The following PIBF1 variants were observed in gnomAD, a reference collection of about 807,000 sequenced individuals.
PIBF1 encodes progesterone immunomodulatory binding factor 1.
In PIBF1, 90 loss-of-function variants were observed where a neutral mutation model predicts 112.5. That is an observed-to-expected ratio of 0.80 (90% CI 0.67 to 0.95). The LOEUF (loss-of-function observed/expected upper bound fraction) is 0.95, where lower values mean the gene tolerates loss of function less well. PIBF1 is among the 40% of genes least tolerant of loss of function. PIBF1 has a pLI of 0.00. For synonymous variants in PIBF1, 301 were observed against 288.6 expected (o/e 1.04, Z -0.44); for missense variants, 915 against 852.3 (o/e 1.07, Z -0.92).
intron 8 of PIBF1, among the ~76,000 whole-genome samples, chr13:72,828,258 A>T: frequency 6.8e-6 from 1 of 147,530 alleles, no homozygotes. Context: ...ATGAAGTGAG[A>T]TATGTTTGCT....
chr13:72,917,085 A>G lies in PIBF1; in HGVS notation c.1649A>G (p.Glu550Gly). The G allele has an allele frequency of 6.3e-7, 1 of 1,579,902 alleles. No individual in the cohort carries two copies. Among genetic ancestry groups the G allele is most frequent in the South Asian group, 1.2e-5 (1 of 85,300 alleles). ...CTTTAATATTTTCCAGTTGAAAATG[A>G]AGATGAGGCTGAAAGGGTTCTTTTT... is the stretch of plus-strand genomic sequence containing the variant. Reference protein sequence around the residue: ...IIMQTAEIENEDEAERVLFSY... With the variant: ...IIMQTAEIENGDEAERVLFSY... The change falls in exon 13 of 18, where the codon GAA (glutamate) becomes GGA (glycine). Residue 550 changes from glutamate to glycine, a missense_variant. Glu to Gly is a moderately conservative substitution (Grantham distance 98). Transcript: ENST00000326291.
At chr13:72,789,825 G>C (rs1392063418) in intron 2 of PIBF1, among the ~76,000 whole-genome samples, 3 of 151,968 alleles carry the variant, frequency 2.0e-5, no homozygotes, top group African/African-American at 7.3e-5. Flanking sequence ...TCCTTTGAGT[G>C]TCATAGTGAC....
At chr13:72,966,258 A>G (rs574838855) in intron 15 of PIBF1, among the ~76,000 whole-genome samples, 1 of 152,308 alleles carries the variant, frequency 6.6e-6, no homozygotes, top group South Asian at 2.1e-4. Flanking sequence ...ATTCCAAAGT[A>G]TAAATGTTAT....
rs148244342 is a variant in PIBF1 at position 73,004,362 on chromosome 13, G to A, written c.2223+5367G>A. On this transcript the variant is annotated intron_variant, in intron 17 of 17. Transcript: ENST00000326291. The stretch of plus-strand genomic sequence containing the variant: ...AAAAATTAGCCAGGTGTGGTGGCAG[G>A]CACCCGTAATCCCAGCTACTCAGGA... Among the ~76,000 whole-genome samples the A allele has an allele frequency of 4.2e-3, 645 of 151,942 alleles. 9 individuals are homozygous for A. The highest frequency in any genetic ancestry group is 0.014 in the African/African-American group (599 of 41,466).
intron 10 of PIBF1, among the ~76,000 whole-genome samples, chr13:72,887,134 C>A (rs1246132706): frequency 2.0e-5 from 3 of 149,030 alleles, no homozygotes; most frequent in Non-Finnish European, 4.5e-5. Flanking sequence ...TAATTTTCAT[C>A]AAAAATAATT....
chr13:72,923,308 A>G (rs1284037586), intron 13 of PIBF1, among the ~76,000 whole-genome samples: 1 of 152,214 alleles, frequency 6.6e-6, no homozygotes, highest in African/African-American at 2.4e-5. Context: ...ACTGCCATGG[A>G]CAGAGCCAAA....
chr13:72,993,737 C>T (rs1161326412), intron 16 of PIBF1, among the ~76,000 whole-genome samples: 9 of 129,006 alleles, frequency 7.0e-5, no homozygotes, highest in African/African-American at 2.6e-4. Context: ...CAGAGCGAGA[C>T]TCCATTTCAA....
chr13:72,871,539 T>C (rs879832608), intron 10 of PIBF1, among the ~76,000 whole-genome samples: 1 of 152,044 alleles, frequency 6.6e-6, no homozygotes, highest in Non-Finnish European at 1.5e-5. Flanking sequence ...CTCCTGACCT[T>C]GTGATCCACC....
rs181551255 is a variant in PIBF1 at position 72,787,349 on chromosome 13, T to C, written c.252+3628T>C. On this transcript the variant is annotated intron_variant, in intron 2 of 17. Transcript: ENST00000326291. ...ATGAACAAAGTGCTACACTGTTTCT[T>C]GTGAGCAGTGATTCTAAAGCTAGTA... 9.3e-4 allele frequency among the ~76,000 whole-genome samples: 141 copies of C among 152,324 alleles called. 1 individual carries two copies. The highest frequency in any genetic ancestry group is 3.1e-3 in the African/African-American group (129 of 41,574).
At chr13:72,987,062 A>C (rs2043314216) in intron 16 of PIBF1, among the ~76,000 whole-genome samples, 1 of 152,186 alleles carries the variant, frequency 6.6e-6, no homozygotes, top group Admixed American at 6.5e-5. Flanking sequence ...TTCTTTCTTT[A>C]TTCTGTTCTA....
chr13:72,998,685 A>C (rs980384676), intron 16 of PIBF1, 137 bp from the exon 17 acceptor site: 2 of 598,706 alleles, frequency 3.3e-6, no homozygotes, highest in Non-Finnish European at 5.9e-6. Context: ...GCATGATTCT[A>C]ATTACTATTT....
At position 72,998,964 on chromosome 13, in the gene PIBF1, A is replaced by T. The variant is rs1594345958; in HGVS notation, c.2192A>T (p.Asp731Val). 11 of 1,608,702 alleles carry T rather than the reference A, an allele frequency of 6.8e-6. No individual in the cohort carries two copies. Among genetic ancestry groups the T allele is most frequent in the Non-Finnish European group, 8.5e-6 (10 of 1,176,646 alleles). The change falls in exon 17 of 18, where the codon GAC (aspartate) becomes GTC (valine). Residue 731 changes from aspartate to valine, a missense_variant. Physicochemically the swap from Asp to Val is radical, Grantham distance 152. Coordinates refer to ENST00000326291, the MANE Select transcript of PIBF1 (RefSeq NM_006346.4). The part of the protein sequence containing the change: ...KTLNVPKEHE[D>V]NIFTPKPTLF... Reference sequence around the variant, plus strand: ...TTGAATGTGCCTAAAGAGCATGAAGACAATATATTTACACCTAAACCAACA... The same window carrying T: ...TTGAATGTGCCTAAAGAGCATGAAGTCAATATATTTACACCTAAACCAACA...
At chr13:72,845,686 A>G (rs1297325307) in intron 9 of PIBF1, among the ~76,000 whole-genome samples, 2 of 152,154 alleles carry the variant, frequency 1.3e-5, no homozygotes, top group African/African-American at 4.8e-5. Flanking sequence ...TTGGCTTTTA[A>G]TAATTGCCAT....
At chr13:72,947,710 A>C (rs1232821304) in intron 14 of PIBF1, among the ~76,000 whole-genome samples, 1 of 152,152 alleles carries the variant, frequency 6.6e-6, no homozygotes, top group Admixed American at 6.5e-5. Context: ...CAGAAATACC[A>C]TTTGACCCAG....
intron 17 of PIBF1, among the ~76,000 whole-genome samples, chr13:73,002,633 A>G (rs575211165): frequency 6.6e-6 from 1 of 152,290 alleles, no homozygotes; most frequent in South Asian, 2.1e-4. Context: ...CTTATTAAAA[A>G]TGCAGATACT....
At chr13:73,000,856 A>T (rs919547637) in intron 17 of PIBF1, among the ~76,000 whole-genome samples, 1 of 152,206 alleles carries the variant, frequency 6.6e-6, no homozygotes, top group African/African-American at 2.4e-5. Flanking sequence ...AGATAAGGTT[A>T]TGCAGTGATG....
At chr13:72,796,314 A>C (rs1398543368) in intron 4 of PIBF1, among the ~76,000 whole-genome samples, 1 of 152,148 alleles carries the variant, frequency 6.6e-6, no homozygotes, top group Non-Finnish European at 1.5e-5. Flanking sequence ...AAAGGATCTC[A>C]GAGTGGCGAG....
chr13:72,986,785 G>A (rs2043303333), intron 16 of PIBF1, among the ~76,000 whole-genome samples: 2 of 151,404 alleles, frequency 1.3e-5, no homozygotes, highest in Admixed American at 6.6e-5. Flanking sequence ...CCGCTTCCCG[G>A]GTTCACGCCA....
chr13:72,786,307 A>C (rs1236753140), intron 2 of PIBF1, among the ~76,000 whole-genome samples: 1 of 152,222 alleles, frequency 6.6e-6, no homozygotes, highest in East Asian at 1.9e-4. Flanking sequence ...ACACATAATC[A>C]TCATTGATCC....
Sources: gnomAD v4.1 joint callset for allele counts (sites outside exome capture counted in the v4.1 genomes callset) on GRCh38, gnomAD v4.1.1 for gene constraint, MANE v1.5 for transcripts, NCBI Gene and HGNC (gene_info 2026-07-23, HGNC 2026-07-21) for gene names.